IL10RA: variants seen among roughly 807,000 people sequenced by gnomAD.
IL10RA encodes the protein interleukin 10 receptor subunit alpha.
IL10RA carries 18 observed loss-of-function variants against 29.6 expected under a neutral mutation model. That is an observed-to-expected ratio of 0.61 (90% CI 0.42 to 0.90). The LOEUF is 0.90. Ranked by LOEUF, IL10RA falls within the 40% of genes least tolerant of loss-of-function variation. IL10RA has a pLI of 0.00. For synonymous variants in IL10RA, 292 were observed against 294.1 expected (o/e 0.99, Z 0.07); for missense variants, 634 against 716.6 (o/e 0.88, Z 1.32).
rs765275998 is a variant in IL10RA, at chr11:117,994,166, G to T, written c.688+17G>T. On this transcript the variant is annotated intron_variant, in intron 5 of 6. Transcript: ENST00000227752. ...CCAGGCAGTGTGAGTCAGCTGGGCT[G>T]CTCTCAGCATGGGGAGGGAGACTGG... 2 of 1,612,154 alleles carry T rather than the reference G, an allele frequency of 1.2e-6. No homozygotes were observed. The highest frequency in any genetic ancestry group is 1.7e-6 in the Non-Finnish European group (2 of 1,178,676).
chr11:117,996,333 TC>T (rs1199874482), intron 6 of IL10RA, among the ~76,000 whole-genome samples: 1 of 152,106 alleles, frequency 6.6e-6, no homozygotes, highest in African/African-American at 2.4e-5. Flanking sequence ...CAAGCCCTCC[TC>T]CCCTCCCAGG....
intron 3 of IL10RA, among the ~76,000 whole-genome samples, chr11:117,992,014 C>T (rs1039634863): frequency 3.3e-5 from 5 of 152,184 alleles, no homozygotes; most frequent in African/African-American, 1.2e-4. Flanking sequence ...GGATTACAGG[C>T]GTGAGCCACT....
rs759724575 is a variant in IL10RA, at chr11:117,994,135, C to A, written c.674C>A (p.Ser225Tyr). The change falls in exon 5 of 7, where the codon TCC becomes TAC. Residue 225 changes from serine to tyrosine, a missense_variant. Ser to Tyr is a moderately radical substitution (Grantham distance 144). Coordinates refer to ENST00000227752, the MANE Select transcript of IL10RA (RefSeq NM_001558.4). ...KGMWSKEECI[S>Y]LTRQYFTVTN... ...ATGTGGTCTAAAGAGGAGTGCATCTCCCTCACCAGGCAGTGTGAGTCAGCT... is the reference window on the plus strand; with the variant it reads ...ATGTGGTCTAAAGAGGAGTGCATCTACCTCACCAGGCAGTGTGAGTCAGCT... 6.2e-7 allele frequency: 1 copy of A among 1,614,072 alleles called. No homozygotes were observed. Among genetic ancestry groups the A allele is most frequent in the Non-Finnish European group, 8.5e-7 (1 of 1,179,964 alleles).
chr11:118,001,256 C>T lies in IL10RA; in HGVS notation c.*1615C>T, dbSNP rs1294130775. Reference sequence around the variant, plus strand: ...AAGAATTCTGGATATCTCAGGAGCCCCGAAATTCTAGCTCTGACTTTGCTG... The same window carrying T: ...AAGAATTCTGGATATCTCAGGAGCCTCGAAATTCTAGCTCTGACTTTGCTG... On this transcript the variant is annotated 3_prime_UTR_variant, in exon 7 of 7. Transcript: ENST00000227752. 6 of 453,986 alleles carry T rather than the reference C, an allele frequency of 1.3e-5. No homozygotes were observed. Among genetic ancestry groups the T allele is most frequent in the Admixed American group, 4.7e-5 (2 of 42,536 alleles). 28.1% of individuals were successfully genotyped at this position (453,986 alleles called of 1,614,324 possible). A position where few individuals can be genotyped will look rare whatever the true frequency, so the allele number is the denominator to read the frequency against.
In IL10RA at chr11:117,989,535, T is replaced by C. The variant is rs202172266; in HGVS notation, c.282T>C (p.Asn94=). ...TAVTLDLYHS[N]GYRARVRAVD... is the part of the protein sequence containing the mutation. Reference sequence around the variant, plus strand: ...TGACCTTGGACCTGTACCACAGCAATGGCTACCGGGCCAGAGTGCGGGCTG... The same window carrying C: ...TGACCTTGGACCTGTACCACAGCAACGGCTACCGGGCCAGAGTGCGGGCTG... Residue 94 remains asparagine (N), a synonymous_variant, in exon 3 of 7, where the codon AAT becomes AAC. Coordinates refer to ENST00000227752, the MANE Select transcript of IL10RA (RefSeq NM_001558.4). The surrounding 1 kb of genome is among the most constrained non-coding windows in gnomAD (Gnocchi z 4.5). The C allele has an allele frequency of 4.2e-5, 68 of 1,614,052 alleles. No individual in the cohort carries two copies. Among genetic ancestry groups the C allele is most frequent in the Non-Finnish European group, 5.5e-5 (65 of 1,180,028 alleles).
In IL10RA at chr11:117,999,235, A is replaced by G. The variant is rs1381374825; in HGVS notation, c.1331A>G (p.Gln444Arg). 1 of 1,614,130 alleles carries G rather than the reference A, an allele frequency of 6.2e-7. No homozygotes were observed. Among genetic ancestry groups the G allele is most frequent in the Non-Finnish European group, 8.5e-7 (1 of 1,180,052 alleles). ...GAAGACCCAGCTGCTGTGGCATTCC[A>G]GGGTTACCTGAGGCAGACCAGATGT... is the stretch of plus-strand genomic sequence containing the variant. The part of the protein sequence containing the change: ...GEEDPAAVAF[Q>R]GYLRQTRCAE... Residue 444 changes from glutamine (Q) to arginine (R), a missense_variant, in exon 7 of 7, where the codon CAG becomes CGG. Gln to Arg is a conservative substitution (Grantham distance 43). Coordinates refer to ENST00000227752, the MANE Select transcript of IL10RA (RefSeq NM_001558.4).
Position 117,989,546 on chromosome 11 carries a change from C to T in IL10RA, c.293C>T (p.Ala98Val), listed in dbSNP as rs1398373250. 10 of 1,614,184 alleles carry T rather than the reference C, an allele frequency of 6.2e-6. No homozygotes were observed. Among genetic ancestry groups the T allele is most frequent in the Non-Finnish European group, 8.5e-6 (10 of 1,180,028 alleles). Residue 98 changes from alanine to valine, a missense_variant, in exon 3 of 7, where the codon GCC (alanine) becomes GTC (valine). Transcript: ENST00000227752. This position sits in a 1 kb window ranked among gnomAD's most constrained non-coding sequence, Gnocchi z 4.5. Reference protein sequence around the residue: ...LDLYHSNGYRARVRAVDGSRH... With the variant: ...LDLYHSNGYRVRVRAVDGSRH... ...CTGTACCACAGCAATGGCTACCGGG[C>T]CAGAGTGCGGGCTGTGGACGGCAGC...
rs925025585 is a variant in IL10RA at position 118,001,119 on chromosome 11, A to C, written c.*1478A>C. On this transcript the variant is annotated 3_prime_UTR_variant, in exon 7 of 7. Coordinates refer to ENST00000227752, the MANE Select transcript of IL10RA (RefSeq NM_001558.4). ...AGTACTCTTAGGTGCCAGTCTGGTA[A>C]CTGAACTCCCTCTGGAGGCAGGCTT... is the stretch of plus-strand genomic sequence containing the variant. 1 of 454,150 alleles carries C rather than the reference A, an allele frequency of 2.2e-6. No individual in the cohort carries two copies. The highest frequency in any genetic ancestry group is 2.3e-5 in the Admixed American group (1 of 42,560). 28.1% of individuals were successfully genotyped at this position (454,150 alleles called of 1,614,324 possible).
chr11:117,998,115 C>T (rs895715442), intron 6 of IL10RA, among the ~76,000 whole-genome samples: 3 of 152,178 alleles, frequency 2.0e-5, no homozygotes, highest in Non-Finnish European at 4.4e-5. Context: ...CCCCACGCTG[C>T]AGCCACCATG....
At chr11:117,995,302 T>A in intron 5 of IL10RA, 1 of 466,640 alleles carries the variant, frequency 2.1e-6, no homozygotes, top group Non-Finnish European at 4.0e-6. Context: ...TTACCTGCTG[T>A]ACCATCCTGC....
At chr11:118,001,611 G>A, downstream of IL10RA, 1 of 357,454 alleles carries the variant, frequency 2.8e-6, no homozygotes, top group Non-Finnish European at 5.5e-6. Context: ...GAGGACTCAG[G>A]CTTAAATCTG....
At chr11:117,997,397 G>T (rs958736721) in intron 6 of IL10RA, among the ~76,000 whole-genome samples, 4 of 152,216 alleles carry the variant, frequency 2.6e-5, no homozygotes, top group Admixed American at 1.3e-4. Context: ...CACAGAGAGG[G>T]TAAGTAATTT....
intron 6 of IL10RA, among the ~76,000 whole-genome samples, chr11:117,996,222 A>G (rs952690562): frequency 1.3e-5 from 2 of 152,022 alleles, no homozygotes; most frequent in African/African-American, 4.8e-5. Flanking sequence ...GGCTGCTGCC[A>G]GAGTGGGCCA....
intron 4 of IL10RA, among the ~76,000 whole-genome samples, chr11:117,993,696 C>T (rs570874663): frequency 4.1e-4 from 63 of 152,350 alleles, no homozygotes; most frequent in Middle Eastern, 3.4e-3. Context: ...AGAGGGCGCC[C>T]CTGTTATGGG....
At position 117,986,514 on chromosome 11, in the gene IL10RA, G is replaced by T. The variant is rs75769905; in HGVS notation, c.47G>T (p.Arg16Leu). 1 of 1,555,886 alleles carries T rather than the reference G, an allele frequency of 6.4e-7. No homozygotes were observed. Among genetic ancestry groups the T allele is most frequent in the Middle Eastern group, 1.7e-4 (1 of 5,932 alleles). Reference sequence around the variant, plus strand: ...CTGCTGGCGGCGCTCCTCAGCCTCCGTCTTGGCTCAGACGCTCATGGTAAG... The same window carrying T: ...CTGCTGGCGGCGCTCCTCAGCCTCCTTCTTGGCTCAGACGCTCATGGTAAG... ...VVLLAALLSL[R>L]LGSDAHGTEL... The change falls in exon 1 of 7, where the codon CGT (arginine) becomes CTT (leucine). Residue 16 changes from arginine (R) to leucine (L), a missense_variant. Coordinates refer to ENST00000227752, the MANE Select transcript of IL10RA (RefSeq NM_001558.4).
chr11:117,991,882 G>A (rs1039509692), intron 3 of IL10RA, among the ~76,000 whole-genome samples: 8 of 151,980 alleles, frequency 5.3e-5, no homozygotes, highest in East Asian at 1.9e-4. Context: ...TTACAGGCAC[G>A]TGCCACCATG....
chr11:117,989,682 T>A lies in IL10RA; in HGVS notation c.367+62T>A. Reference sequence around the variant, plus strand: ...AGTCCCTTCCAGCCAGGAACTCTAGTCTAGAGCTTTTCTGTCTATTACCAT... The same window carrying A: ...AGTCCCTTCCAGCCAGGAACTCTAGACTAGAGCTTTTCTGTCTATTACCAT... On this transcript the variant is annotated intron_variant, in intron 3 of 6. Transcript: ENST00000227752. The surrounding 1 kb of genome is among the most constrained non-coding windows in gnomAD (Gnocchi z 4.5). The A allele has an allele frequency of 6.6e-7, 1 of 1,525,688 alleles. No homozygotes were observed. The highest frequency in any genetic ancestry group is 9.0e-7 in the Non-Finnish European group (1 of 1,111,788). The allele number at this position is 1,525,688 out of a possible 1,614,324, so 94.5% of individuals were successfully genotyped here. A position where few individuals can be genotyped will look rare whatever the true frequency, so the allele number is the denominator to read the frequency against.
intron 6 of IL10RA, among the ~76,000 whole-genome samples, chr11:117,996,570 G>C (rs2058057986): frequency 6.6e-6 from 1 of 152,216 alleles, no homozygotes; most frequent in Non-Finnish European, 1.5e-5. Flanking sequence ...TGCAAGGCAG[G>C]GGCCCCACAA....
chr11:117,995,449 T>A, intron 5 of IL10RA, 140 bp from the exon 6 acceptor site: 1 of 1,022,208 alleles, frequency 9.8e-7, no homozygotes, highest in Non-Finnish European at 1.5e-6. Context: ...CATCTAGAGT[T>A]GTGGCCTGTA....
Sources: gnomAD v4.1 joint callset for allele counts (sites outside exome capture counted in the v4.1 genomes callset) on GRCh38, gnomAD v4.1.1 for gene constraint, Gnocchi (gnomAD v3.1) non-coding constraint, MANE v1.5 for transcripts, NCBI Gene and HGNC (gene_info 2026-07-23, HGNC 2026-07-21) for gene names.